CALB2: variants seen among roughly 807,000 people sequenced by gnomAD.
CALB2 encodes calbindin 2, also known as calretinin.
In CALB2, 34 loss-of-function variants were observed where a neutral mutation model predicts 45.9. That is an observed-to-expected ratio of 0.74 (90% confidence interval 0.56 to 0.99). The LOEUF (loss-of-function observed/expected upper bound fraction) is 0.99, where lower values mean the gene tolerates loss of function less well. CALB2 is among the 50% of genes least tolerant of loss of function. The probability of loss-of-function intolerance (pLI) is 0.00; values close to 1 mark genes in which losing one functional copy is unlikely to be tolerated. For missense variants in CALB2, 344 were observed against 339.3 expected, an observed-to-expected ratio of 1.01 and a Z score of -0.11; for synonymous variants, 142 against 129.6, an observed-to-expected ratio of 1.10 and a Z score of -0.65.
intron 4 of CALB2, among the ~76,000 whole-genome samples, chr16:71,381,899 G>A (rs991842834): frequency 2.0e-5 from 3 of 151,608 alleles, no homozygotes; most frequent in Admixed American, 6.6e-5. Flanking sequence ...CCTGTAGTCC[G>A]AGGCACTTGG....
chr16:71,373,849 TAAAC>T (rs1291390595), intron 2 of CALB2, among the ~76,000 whole-genome samples: 2 of 152,172 alleles, frequency 1.3e-5, no homozygotes, highest in Non-Finnish European at 2.9e-5. Flanking sequence ...TAAATACTGA[TAAAC>T]AAATAAATAT....
chr16:71,382,406 T>G (rs771283995), intron 4 of CALB2, among the ~76,000 whole-genome samples: 2 of 152,190 alleles, frequency 1.3e-5, no homozygotes, highest in African/African-American at 4.8e-5. Context: ...TGCTGTATAA[T>G]AAACTGCCCC....
intron 2 of CALB2, among the ~76,000 whole-genome samples, 187 bp downstream of exon 2, chr16:71,372,416 G>T (rs2042363025): frequency 6.6e-6 from 1 of 152,142 alleles, no homozygotes; most frequent in Non-Finnish European, 1.5e-5. Flanking sequence ...TGGGTGTCTG[G>T]GATTGAGGGG....
intron 5 of CALB2, 53 bp from the exon 6 acceptor site, chr16:71,383,314 T>C (rs1216712658): frequency 9.3e-6 from 14 of 1,497,838 alleles, no homozygotes; most frequent in Non-Finnish European, 1.3e-5. Context: ...AGGAAATGAA[T>C]GAGGGACCGA....
chr16:71,373,452 G>C (rs928098535), intron 2 of CALB2, among the ~76,000 whole-genome samples: 4 of 152,184 alleles, frequency 2.6e-5, no homozygotes, highest in African/African-American at 9.7e-5. Context: ...ATGGGCTTCA[G>C]GACTGACTCT....
intron 1 of CALB2, among the ~76,000 whole-genome samples, chr16:71,371,247 A>G (rs563662411): frequency 6.6e-6 from 1 of 152,244 alleles, no homozygotes; most frequent in South Asian, 2.1e-4. Context: ...ACCAGGTGGG[A>G]TGCCTCTCCT....
At chr16:71,375,349 C>T (rs578188533) in intron 3 of CALB2, among the ~76,000 whole-genome samples, 1 of 152,132 alleles carries the variant, frequency 6.6e-6, no homozygotes, top group Non-Finnish European at 1.5e-5. Context: ...CACATACACT[C>T]ACACATACTC....
At chr16:71,373,425 C>G (rs1489511951) in intron 2 of CALB2, among the ~76,000 whole-genome samples, 1 of 152,170 alleles carries the variant, frequency 6.6e-6, no homozygotes, top group East Asian at 1.9e-4. Flanking sequence ...GATAATGAAG[C>G]CTCGATCACA....
chr16:71,362,056 G>A (rs1285735575), intron 1 of CALB2, among the ~76,000 whole-genome samples: 1 of 152,174 alleles, frequency 6.6e-6, no homozygotes, highest in East Asian at 1.9e-4. Context: ...CCCTGGTGGG[G>A]TCTAGGGCTC....
chr16:71,384,035 T>C lies in CALB2; in HGVS notation c.533+10T>C, dbSNP rs780479030. ...TCTCAGAGATGTCCCGGTAAGCACC[T>C]CACCCCCGGGGTCACTGATACTGGC... On this transcript the variant is annotated intron_variant, in intron 7 of 10. Transcript: ENST00000302628. 6 of 1,613,420 alleles carry C rather than the reference T, an allele frequency of 3.7e-6. No homozygotes were observed. The highest frequency in any genetic ancestry group is 5.1e-6 in the Non-Finnish European group (6 of 1,179,570).
chr16:71,369,567 C>T (rs1598162403), intron 1 of CALB2, among the ~76,000 whole-genome samples: 1 of 152,186 alleles, frequency 6.6e-6, no homozygotes, highest in Non-Finnish European at 1.5e-5. Context: ...TCCTTTCAGC[C>T]ACCTCCCGAT....
intron 10 of CALB2, 85 bp downstream of exon 10, chr16:71,385,733 C>G (rs1401294942): frequency 9.3e-7 from 1 of 1,075,560 alleles, no homozygotes; most frequent in Non-Finnish European, 1.4e-6. Flanking sequence ...GGTGCCTGGT[C>G]CTGCTCTCTA....
chr16:71,377,811 C>A, intron 4 of CALB2, 64 bp downstream of exon 4: 4 of 1,158,682 alleles, frequency 3.5e-6, no homozygotes, highest in Non-Finnish European at 5.2e-6. Context: ...TGTTCAGAGC[C>A]AGGCCCACCC....
intron 9 of CALB2, among the ~76,000 whole-genome samples, chr16:71,385,176 C>T (rs2042556339): frequency 6.6e-6 from 1 of 152,170 alleles, no homozygotes; most frequent in Non-Finnish European, 1.5e-5. Flanking sequence ...AAGTCTTTCT[C>T]TGGGAAGTTG....
intron 4 of CALB2, among the ~76,000 whole-genome samples, chr16:71,378,039 AT>A (rs2042438770): frequency 6.6e-6 from 1 of 152,192 alleles, no homozygotes; most frequent in African/African-American, 2.4e-5. Context: ...CCTGGCCAAC[AT>A]GGCAAAACCC....
chr16:71,364,955 C>T (rs1182854817), intron 1 of CALB2, among the ~76,000 whole-genome samples: 3 of 152,174 alleles, frequency 2.0e-5, no homozygotes, highest in Non-Finnish European at 4.4e-5. Context: ...TCCGATTCCT[C>T]CTTTCTAAGA....
At chr16:71,370,747 C>T (rs1273712827) in intron 1 of CALB2, among the ~76,000 whole-genome samples, 1 of 152,116 alleles carries the variant, frequency 6.6e-6, no homozygotes, top group East Asian at 1.9e-4. Flanking sequence ...AAGGAAAAAT[C>T]CCCAGGAGAT....
intron 4 of CALB2, among the ~76,000 whole-genome samples, chr16:71,380,287 C>CAT (rs2042473203): frequency 2.3e-5 from 2 of 87,096 alleles, no homozygotes; most frequent in African/African-American, 4.2e-5. Flanking sequence ...TCTTTCCTTC[C>CAT]TTTTCTTTTT....
In CALB2 at chr16:71,385,582, A is replaced by C; in HGVS notation, c.633A>C (p.Arg211Ser). The C allele has an allele frequency of 2.5e-6, 4 of 1,613,996 alleles. No homozygotes were observed. Among genetic ancestry groups the C allele is most frequent in the Non-Finnish European group, 3.4e-6 (4 of 1,179,910 alleles). ...GACTCTGCTCCCATCCCCAGGATAG[A>C]AGCGGCTACATTGACGAGCATGAGC... is the stretch of plus-strand genomic sequence containing the variant. ...NAIFTFYDKD[R>S]SGYIDEHELD... Residue 211 changes from arginine (R) to serine (S), a missense_variant, in exon 10 of 11, where the codon AGA (arginine) becomes AGC (serine). Coordinates refer to ENST00000302628, the MANE Select transcript of CALB2 (RefSeq NM_001740.5).
Sources: gnomAD v4.1 joint callset for allele counts (sites outside exome capture counted in the v4.1 genomes callset) on GRCh38, gnomAD v4.1.1 for gene constraint, MANE v1.5 for transcripts, NCBI Gene and HGNC (gene_info 2026-07-23, HGNC 2026-07-21) for gene names.